The following NDUFAF6 variants were observed in gnomAD, a reference collection of about 807,000 sequenced individuals.
NDUFAF6 encodes the protein NADH dehydrogenase (ubiquinone) complex I, assembly factor 6.
In NDUFAF6, 45 loss-of-function variants were observed where a neutral mutation model predicts 40.8. That is an observed-to-expected ratio of 1.10 (90% confidence interval 0.87 to 1.42). The LOEUF is 1.42. Among genes scored for constraint, NDUFAF6 ranks in the 40% most tolerant of loss-of-function variants. The pLI is 0.00. For missense variants in NDUFAF6, 435 were observed against 418.5 expected, an observed-to-expected ratio of 1.04 and a Z score of -0.34; for synonymous variants, 185 against 155.9, an observed-to-expected ratio of 1.19 and a Z score of -1.39.
At chr8:95,034,034 A>G (rs199533170) in intron 2 of NDUFAF6, 4 of 457,746 alleles carry the variant, frequency 8.7e-6, no homozygotes, top group Non-Finnish European at 1.8e-5. Flanking sequence ...GTCTTGCTGT[A>G]CTGTATGCCA....
intron 1 of NDUFAF6, among the ~76,000 whole-genome samples, chr8:94,933,895 GC>G (rs1820704968): frequency 7.1e-6 from 1 of 141,660 alleles, no homozygotes; most frequent in Non-Finnish European, 1.5e-5. Flanking sequence ...ACATGGTGAA[GC>G]CCCGTCTCTA....
At chr8:94,916,601 G>C (rs959582202) in intron 1 of NDUFAF6, among the ~76,000 whole-genome samples, 1 of 150,770 alleles carries the variant, frequency 6.6e-6, no homozygotes, top group African/African-American at 2.4e-5. Flanking sequence ...ATCACCTGAC[G>C]TCAGGAGTTC....
chr8:95,025,437 G>T (rs1418643503), intron 1 of NDUFAF6, among the ~76,000 whole-genome samples: 1 of 152,230 alleles, frequency 6.6e-6, no homozygotes, highest in Non-Finnish European at 1.5e-5. Context: ...GCCCACGCTT[G>T]TCGCCTTATC....
intron 1 of NDUFAF6, among the ~76,000 whole-genome samples, chr8:94,906,573 C>A (rs1212833650): frequency 6.6e-6 from 1 of 152,174 alleles, no homozygotes; most frequent in African/African-American, 2.4e-5. Flanking sequence ...GTGAGCTAGC[C>A]AAGAAGCCTG....
intron 1 of NDUFAF6, among the ~76,000 whole-genome samples, chr8:94,976,501 C>CAAAAAA (rs35323204): frequency 1.1e-5 from 1 of 91,954 alleles, no homozygotes; most frequent in Non-Finnish European, 2.0e-5. Flanking sequence ...CACTCCATCT[C>CAAAAAA]AAAAAAAAAA....
At chr8:95,099,338 GA>G (rs10647991), upstream of NDUFAF6, among the ~76,000 whole-genome samples, 77 of 140,922 alleles carry the variant, frequency 5.5e-4, no homozygotes, top group Admixed American at 6.4e-4. Context: ...CTTCCAGCTG[GA>G]AAAAAAAAAA....
intron 1 of NDUFAF6, among the ~76,000 whole-genome samples, chr8:94,918,275 C>T (rs531131860): frequency 1.3e-5 from 2 of 152,202 alleles, no homozygotes; most frequent in South Asian, 4.1e-4. Context: ...CCCCTAGGGC[C>T]CAGACTTGGT....
chr8:95,095,065 A>G (rs1413568302), intron 2 of NDUFAF6, among the ~76,000 whole-genome samples: 2 of 151,762 alleles, frequency 1.3e-5, no homozygotes, highest in Non-Finnish European at 2.9e-5. Flanking sequence ...ACATTTTTCT[A>G]TTGATCCTCA....
In NDUFAF6 at chr8:94,931,896, T is replaced by G. The variant is rs550723222; in HGVS notation, c.-935-13587T>G. Among the ~76,000 whole-genome samples the G allele has an allele frequency of 4.5e-3, 679 of 152,164 alleles. 5 individuals are homozygous for G. The highest frequency in any genetic ancestry group is 4.6e-3 in the Non-Finnish European group (315 of 67,986). On this transcript the variant is annotated intron_variant, in intron 1 of 14. Transcript: ENST00000396113. ...CTGAAACAAGAGAATCACTTGAATC[T>G]GGGGGGTGGAGGCTGCTGTGAGCCA...
chr8:94,970,397 G>C (rs1363687271), intron 1 of NDUFAF6, among the ~76,000 whole-genome samples: 1 of 151,840 alleles, frequency 6.6e-6, no homozygotes, highest in Non-Finnish European at 1.5e-5. Context: ...AAATGCAAAT[G>C]AAAAAGCTAG....
At chr8:94,969,262 A>G (rs1824269201) in intron 1 of NDUFAF6, among the ~76,000 whole-genome samples, 1 of 152,192 alleles carries the variant, frequency 6.6e-6, no homozygotes, top group African/African-American at 2.4e-5. Context: ...TGGCAAAGGA[A>G]ACTGAGAAAG....
chr8:94,926,290 T>A (rs1338631036), intron 1 of NDUFAF6: 3 of 151,698 alleles, frequency 2.0e-5, no homozygotes, highest in African/African-American at 2.4e-5. Context: ...TGAAAAAAAA[T>A]GTGTCGAGAA....
At chr8:94,910,883 GTATA>G in intron 1 of NDUFAF6, among the ~76,000 whole-genome samples, 1 of 152,102 alleles carries the variant, frequency 6.6e-6, no homozygotes, top group Non-Finnish European at 1.5e-5. Context: ...CTATAGTATA[GTATA>G]GAATATATCA....
rs75547492 is a variant in NDUFAF6, at chr8:94,949,808, C to T, written c.-799+4189C>T. The stretch of plus-strand genomic sequence containing the variant: ...CACAAAGGGCGCAGAACGTTTTTTC[C>T]TGTGAGAGGAACATTAAGACTCCTG... On this transcript the variant is annotated intron_variant, in intron 2 of 14. Transcript: ENST00000396113. Among the ~76,000 whole-genome samples, 351 of 152,250 alleles carry T rather than the reference C, an allele frequency of 2.3e-3. 9 individuals carry two copies. In the East Asian group the frequency reaches 0.063, roughly 27 times the overall value.
intron 1 of NDUFAF6, among the ~76,000 whole-genome samples, chr8:94,919,910 T>G (rs1367441369): frequency 1.3e-5 from 2 of 152,170 alleles, no homozygotes; most frequent in Non-Finnish European, 1.5e-5. Flanking sequence ...TGGACCTAAA[T>G]GTTAGGTCAC....
chr8:94,902,846 C>T (rs976229233), intron 1 of NDUFAF6, among the ~76,000 whole-genome samples: 1 of 151,870 alleles, frequency 6.6e-6, no homozygotes, highest in African/African-American at 2.4e-5. Context: ...CAGGCGCCCA[C>T]CACCACGCCC....
intron 1 of NDUFAF6, among the ~76,000 whole-genome samples, chr8:94,963,788 A>G (rs1823791444): frequency 6.6e-6 from 1 of 152,256 alleles, no homozygotes; most frequent in Non-Finnish European, 1.5e-5. Context: ...GGCAAGAGCC[A>G]GAGAGCAGAG....
intron 2 of NDUFAF6, among the ~76,000 whole-genome samples, chr8:94,985,710 A>G (rs753377031): frequency 4.8e-5 from 7 of 145,158 alleles, no homozygotes; most frequent in Non-Finnish European, 9.1e-5. Context: ...TAATTTTTGT[A>G]TTTTTAGTAG....
At chr8:94,899,757 G>A (rs1331885170) in intron 1 of NDUFAF6, among the ~76,000 whole-genome samples, 1 of 152,188 alleles carries the variant, frequency 6.6e-6, no homozygotes, top group African/African-American at 2.4e-5. Flanking sequence ...TCTTCTAACT[G>A]GTTTTCCTGA....
Sources: gnomAD v4.1 joint callset for allele counts (sites outside exome capture counted in the v4.1 genomes callset) on GRCh38, gnomAD v4.1.1 for gene constraint, MANE v1.5 for transcripts, NCBI Gene and HGNC (gene_info 2026-07-23, HGNC 2026-07-21) for gene names.